Variants in AMPD2 observed in about 807,000 individuals in gnomAD.
The protein encoded by AMPD2 is adenosine monophosphate deaminase 2, also known as AMP deaminase 2.
Under a neutral mutation model 91.3 loss-of-function variants are expected in AMPD2, and 52 were observed. The observed-to-expected ratio is 0.57, with a 90% CI of 0.46 to 0.72. The LOEUF (loss-of-function observed/expected upper bound fraction) is 0.72, where lower values mean the gene tolerates loss of function less well. Among genes scored for constraint, AMPD2 ranks in the 30% least tolerant of loss-of-function variants. AMPD2 has a pLI of 0.00. For missense variants in AMPD2, 822 were observed against 1,122.3 expected (o/e 0.73, Z 3.82); for synonymous variants, 455 against 456.4 (o/e 1.00, Z 0.04).
At chr1:109,626,946 C>T (rs1254130249) in intron 7 of AMPD2, 34 bp downstream of exon 7, 2 of 1,593,822 alleles carry the variant, frequency 1.3e-6, no homozygotes, top group Admixed American at 3.4e-5. Flanking sequence ...ATGCCATGTG[C>T]CCTAGCCTCC....
intron 7 of AMPD2, 24 bp downstream of exon 7, chr1:109,626,936 A>T: frequency 6.2e-7 from 1 of 1,603,794 alleles, no homozygotes; most frequent in Non-Finnish European, 8.5e-7. Context: ...TCTCTGCCCC[A>T]TGCCATGTGC....
chr1:109,625,259 G>A lies in AMPD2; in HGVS notation c.92-44G>A. ...AGGGCAGGGGCCCAGGGCTTTCAGG[G>A]GCTGCCCCTCCACCCTTTGACCCTG... is the stretch of plus-strand genomic sequence containing the variant. On this transcript the variant is annotated intron_variant, in intron 2 of 18. Coordinates refer to ENST00000528667, the MANE Select transcript of AMPD2 (RefSeq NM_001368809.2). This position sits in a 1 kb window ranked among gnomAD's most constrained non-coding sequence, Gnocchi z 4.0. 3 of 1,601,140 alleles carry A rather than the reference G, an allele frequency of 1.9e-6. No individual in the cohort carries two copies. The highest frequency in any genetic ancestry group is 2.2e-5 in the East Asian group (1 of 44,646).
rs754437633 is a variant in AMPD2 at position 109,627,861 on chromosome 1, C to G, written c.1038C>G (p.Ala346=). The G allele has an allele frequency of 6.2e-7, 1 of 1,613,702 alleles. No individual in the cohort carries two copies. Among genetic ancestry groups the G allele is most frequent in the East Asian group, 2.2e-5 (1 of 44,880 alleles). Reference sequence around the variant, plus strand: ...TCAATGAGATGAAGGAGCTGGCCGCCCAGAAGAAAGTGCCACACCGAGATT... The same window carrying G: ...TCAATGAGATGAAGGAGCTGGCCGCGCAGAAGAAAGTGCCACACCGAGATT... ...VLLNEMKELA[A]QKKVPHRDFY... Residue 346 remains alanine (A), a synonymous_variant, in exon 10 of 19, where the codon GCC becomes GCG. Coordinates refer to ENST00000528667, the MANE Select transcript of AMPD2 (RefSeq NM_001368809.2).
Position 109,628,347 on chromosome 1 carries a change from C to T in AMPD2, c.1276-17C>T. ...ACCAGGAGTCACGGGTGACCTGAGC[C>T]TTCCCATGTCCCCCAGGACAGGAAC... On this transcript the variant is annotated splice_polypyrimidine_tract_variant and intron_variant, in intron 11 of 18. Transcript: ENST00000528667. The surrounding 1 kb of genome is among the most constrained non-coding windows in gnomAD (Gnocchi z 7.1). 1 of 1,613,980 alleles carries T rather than the reference C, an allele frequency of 6.2e-7. No homozygotes were observed. The highest frequency in any genetic ancestry group is 8.5e-7 in the Non-Finnish European group (1 of 1,179,936).
In AMPD2 at chr1:109,620,266, A is replaced by G. The variant is rs962224993; in HGVS notation, c.-275A>G. On this transcript the variant is annotated 5_prime_UTR_variant, in exon 1 of 19. Transcript: ENST00000528667. ...GGCAGCCTCCCCTCGGAACTCGGGC[A>G]TCATGGCCTCAGGTGAGTGTGTGTA... The G allele has an allele frequency of 3.1e-6, 5 of 1,614,062 alleles. No homozygotes were observed. The Admixed American group carries it at 8.3e-5, about 27-fold the overall frequency.
intron 15 of AMPD2, 80 bp from the exon 16 acceptor site, chr1:109,629,716 G>A (rs1022301868): frequency 6.5e-5 from 94 of 1,439,398 alleles, no homozygotes; most frequent in African/African-American, 2.0e-4. Context: ...GGACATATGC[G>A]TGCTGGGTGG....
chr1:109,629,419 G>A lies in AMPD2; in HGVS notation c.1791G>A (p.Glu597=). 4 of 1,614,106 alleles carry A rather than the reference G, an allele frequency of 2.5e-6. No individual in the cohort carries two copies. Among genetic ancestry groups the A allele is most frequent in the Admixed American group, 1.7e-5 (1 of 60,026 alleles). The change falls in exon 15 of 19, where the codon GAG becomes GAA. Residue 597 remains glutamate, a synonymous_variant. Coordinates refer to ENST00000528667, the MANE Select transcript of AMPD2 (RefSeq NM_001368809.2). ...CCCTGCCTGAGGCGTGGGTGGAGGAGGACAACCCACCCTATGCCTACTACC... is the reference window on the plus strand; with the variant it reads ...CCCTGCCTGAGGCGTGGGTGGAGGAAGACAACCCACCCTATGCCTACTACC... The part of the protein sequence containing the change: ...ESPLPEAWVE[E]DNPPYAYYLY...
chr1:109,620,684 C>T lies in AMPD2; in HGVS notation c.-262-230C>T, dbSNP rs1650170694. ...CTGGGTTTTCACGGAGTATGCCTGC[C>T]CTGCCCCGGGAGGACTGTGTTTGAG... On this transcript the variant is annotated intron_variant, in intron 1 of 18. Transcript: ENST00000528667. 3 of 1,209,200 alleles carry T rather than the reference C, an allele frequency of 2.5e-6. No individual in the cohort carries two copies. In the African/African-American group the frequency reaches 4.7e-5, roughly 19 times the overall value. 74.9% of individuals were successfully genotyped at this position (1,209,200 alleles called of 1,614,324 possible).
chr1:109,631,159 T>TC lies in AMPD2; in HGVS notation c.*9dup. ...GAGCCCAGGGCCTCAATGAGCCTGG[T>TC]CCATGAAGTGCCCACCACATCGCAG... On this transcript the variant is annotated 3_prime_UTR_variant, in exon 19 of 19. Coordinates refer to ENST00000528667, the MANE Select transcript of AMPD2 (RefSeq NM_001368809.2). The TC allele has an allele frequency of 1.3e-6, 2 of 1,569,612 alleles. No homozygotes were observed. The highest frequency in any genetic ancestry group is 1.7e-6 in the Non-Finnish European group (2 of 1,156,962).
In AMPD2 at chr1:109,631,642, T is replaced by C; in HGVS notation, c.*490T>C. ...AGGGTCTGTGGAACTCCAGCAGCTC[T>C]GCACTGGGTAGAGCTGGGCCTAGAG... On this transcript the variant is annotated 3_prime_UTR_variant, in exon 19 of 19. Transcript: ENST00000528667. The C allele has an allele frequency of 4.7e-6, 1 of 211,518 alleles. No homozygotes were observed. Among genetic ancestry groups the C allele is most frequent in the Non-Finnish European group, 9.7e-6 (1 of 102,602 alleles). The allele number at this position is 211,518 out of a possible 1,614,324, so 13.1% of individuals were successfully genotyped here.
chr1:109,629,791 C>G lies in AMPD2; in HGVS notation c.1863-5C>G. 3.8e-6 allele frequency: 6 copies of G among 1,588,352 alleles called. No homozygotes were observed. The highest frequency in any genetic ancestry group is 5.2e-6 in the Non-Finnish European group (6 of 1,164,356). ...AGGAGCTGACACTGTCTTCATGTCC[C>G]CCAGGCAGAGGGGCTTCCACACGTT... On this transcript the variant is annotated splice_polypyrimidine_tract_variant and splice_region_variant and intron_variant, in intron 15 of 18. Transcript: ENST00000528667.
At position 109,631,018 on chromosome 1, in the gene AMPD2, C is replaced by G; in HGVS notation, c.2344C>G (p.Pro782Ala). ...EGNDIRRTNV[P>A]DIRVGYRYET... ...GAATGACATCCGCCGGACCAATGTG[C>G]CAGACATCCGCGTGGGCTACCGCTA... The change falls in exon 19 of 19, where the codon CCA becomes GCA. Residue 782 changes from proline to alanine, a missense_variant. Transcript: ENST00000528667. The G allele has an allele frequency of 6.2e-7, 1 of 1,614,174 alleles. No homozygotes were observed. Among genetic ancestry groups the G allele is most frequent in the Non-Finnish European group, 8.5e-7 (1 of 1,180,030 alleles).
rs1446629004 is a variant in AMPD2 at position 109,625,280 on chromosome 1, C to A, written c.92-23C>A. 4 of 1,610,798 alleles carry A rather than the reference C, an allele frequency of 2.5e-6. No homozygotes were observed. Among genetic ancestry groups the A allele is most frequent in the Non-Finnish European group, 1.7e-6 (2 of 1,178,284 alleles). On this transcript the variant is annotated intron_variant, in intron 2 of 18. Coordinates refer to ENST00000528667, the MANE Select transcript of AMPD2 (RefSeq NM_001368809.2). This position sits in a 1 kb window ranked among gnomAD's most constrained non-coding sequence, Gnocchi z 4.0. ...CAGGGGCTGCCCCTCCACCCTTTGA[C>A]CCTGGCATCACTGTCTCTGCAGAGG...
Position 109,627,905 on chromosome 1 carries a change from T to G in AMPD2, c.1080+2T>G. 1.2e-6 allele frequency: 2 copies of G among 1,612,368 alleles called. No individual in the cohort carries two copies. Among genetic ancestry groups the G allele is most frequent in the Non-Finnish European group, 1.7e-6 (2 of 1,179,502 alleles). On this transcript the variant is annotated splice_donor_variant, in intron 10 of 18. Coordinates refer to ENST00000528667, the MANE Select transcript of AMPD2 (RefSeq NM_001368809.2). LOFTEE classifies it high-confidence loss of function. ...CGAGATTTCTACAACATCCGCAAGG[T>G]GGGCCCTCACCCCGTGGCCGTCTCC... is the stretch of plus-strand genomic sequence containing the variant.
In AMPD2 at chr1:109,621,240, G is replaced by T. The variant is rs777294709; in HGVS notation, c.65G>T (p.Ser22Ile). The T allele has an allele frequency of 3.7e-6, 6 of 1,612,694 alleles. No homozygotes were observed. Among genetic ancestry groups the T allele is most frequent in the Admixed American group, 3.3e-5 (2 of 59,888 alleles). The part of the protein sequence containing the change: ...KAKYPFKKRA[S>I]LQASTAAPEA... ...AAATATCCCTTTAAGAAGCGGGCCAGCCTGCAGGCCTCCACTGCAGCTCCA... is the reference window on the plus strand; with the variant it reads ...AAATATCCCTTTAAGAAGCGGGCCATCCTGCAGGCCTCCACTGCAGCTCCA... Residue 22 changes from serine to isoleucine, a missense_variant, in exon 2 of 19, where the codon AGC (serine) becomes ATC (isoleucine). Physicochemically the swap from Ser to Ile is moderately radical, Grantham distance 142. Coordinates refer to ENST00000528667, the MANE Select transcript of AMPD2 (RefSeq NM_001368809.2).
Position 109,623,245 on chromosome 1 carries a change from G to A in AMPD2, c.91+1979G>A, listed in dbSNP as rs553497183. Among the ~76,000 whole-genome samples the A allele has an allele frequency of 4.4e-3, 670 of 152,280 alleles. 4 individuals are homozygous for A. Among genetic ancestry groups the A allele is most frequent in the South Asian group, 7.9e-3 (38 of 4,820 alleles). On this transcript the variant is annotated intron_variant, in intron 2 of 18. Coordinates refer to ENST00000528667, the MANE Select transcript of AMPD2 (RefSeq NM_001368809.2). ...CTTATGGCAGTTGTGGCTAGGCAGG[G>A]AAGGGACCACTTATCGCCCCACTTG...
At chr1:109,629,955 C>T (rs778003854) in intron 16 of AMPD2, 39 bp downstream of exon 16, 15 of 1,568,770 alleles carry the variant, frequency 9.6e-6, no homozygotes, top group Middle Eastern at 1.7e-4. Context: ...CCCAATTGTT[C>T]ACCTTCCTCT....
chr1:109,629,465 A>G lies in AMPD2; in HGVS notation c.1837A>G (p.Met613Val). ...CTACCTGTACTACACCTTTGCCAAC[A>G]TGGCCATGTTGAACCACCTGCGCAG... ...AYYLYYTFAN[M>V]AMLNHLRRQR... Residue 613 changes from methionine to valine, a missense_variant, in exon 15 of 19, where the codon ATG (methionine) becomes GTG (valine). Around this residue, in one of 5 missense-constraint regions of AMPD2, gnomAD observed 430 missense variants for 606.0 expected, o/e 0.71. Transcript: ENST00000528667. 2 of 1,613,688 alleles carry G rather than the reference A, an allele frequency of 1.2e-6. No homozygotes were observed. The highest frequency in any genetic ancestry group is 1.7e-6 in the Non-Finnish European group (2 of 1,179,832).
At chr1:109,629,285 T>G (rs1650993268) in intron 14 of AMPD2, 42 bp from the exon 15 acceptor site, 1 of 1,613,994 alleles carries the variant, frequency 6.2e-7, no homozygotes, top group East Asian at 2.2e-5. Flanking sequence ...CGGCTTCGCA[T>G]CCAGCTGCAG....
Sources: gnomAD v4.1 joint callset for allele counts (sites outside exome capture counted in the v4.1 genomes callset) on GRCh38, gnomAD v4.1.1 for gene constraint, gnomAD v4.1.1 regional missense constraint, Gnocchi (gnomAD v3.1) non-coding constraint, MANE v1.5 for transcripts, NCBI Gene and HGNC (gene_info 2026-07-23, HGNC 2026-07-21) for gene names.